The following APBB2 variants were observed in gnomAD, a reference collection of about 807,000 sequenced individuals.
APBB2 encodes amyloid beta precursor protein binding family B member 2, also known as Fe65-like 1.
Under a neutral mutation model 82.5 loss-of-function variants are expected in APBB2, and 38 were observed. That is an observed-to-expected ratio of 0.46 (90% CI 0.36 to 0.60). The LOEUF (loss-of-function observed/expected upper bound fraction) is 0.60, where lower values mean the gene tolerates loss of function less well. Among genes scored for constraint, APBB2 ranks in the 20% least tolerant of loss-of-function variants. The pLI, the probability that APBB2 is intolerant of heterozygous loss-of-function variation, is 0.00. For synonymous variants in APBB2, 341 were observed against 368.2 expected, an observed-to-expected ratio of 0.93 and a Z score of 0.85; for missense variants, 772 against 972.3, an observed-to-expected ratio of 0.79 and a Z score of 2.74.
At chr4:40,931,326 T>C (rs1014049858) in intron 10 of APBB2, among the ~76,000 whole-genome samples, 3 of 152,200 alleles carry the variant, frequency 2.0e-5, no homozygotes, top group African/African-American at 7.2e-5. Flanking sequence ...GGACTTCTCA[T>C]GGACAGCAGT....
At chr4:41,058,302 A>T (rs1728547651) in intron 4 of APBB2, among the ~76,000 whole-genome samples, 1 of 152,168 alleles carries the variant, frequency 6.6e-6, no homozygotes, top group African/African-American at 2.4e-5. Flanking sequence ...AAAAAAAAAA[A>T]AGCAAGAGCA....
rs540510417 is a variant in APBB2, at chr4:41,063,317, A to G, written c.-51+2259T>C. ...ATTTAAAATGTAACCATTTAAAAATATAAAAACCACCCTCAGCTCCTATAA... is the reference window on the plus strand; with the variant it reads ...ATTTAAAATGTAACCATTTAAAAATGTAAAAACCACCCTCAGCTCCTATAA... On this transcript the variant is annotated intron_variant, in intron 4 of 17. Transcript: ENST00000508593. 5.9e-5 allele frequency among the ~76,000 whole-genome samples: 9 copies of G among 152,372 alleles called. No individual in the cohort carries two copies. In the East Asian group the frequency reaches 1.2e-3, roughly 20 times the overall value.
At chr4:40,980,629 G>C (rs75193104) in intron 6 of APBB2, among the ~76,000 whole-genome samples, 2 of 152,174 alleles carry the variant, frequency 1.3e-5, no homozygotes, top group Non-Finnish European at 2.9e-5. Context: ...AAAAACAGTA[G>C]AAATTATAGC....
intron 1 of APBB2, among the ~76,000 whole-genome samples, chr4:41,172,489 T>C (rs1768580573): frequency 6.6e-6 from 1 of 152,212 alleles, no homozygotes; most frequent in Non-Finnish European, 1.5e-5. Context: ...TTACTCTTCA[T>C]AGAAACTACC....
intron 10 of APBB2, among the ~76,000 whole-genome samples, chr4:40,914,587 C>CAGAT (rs889581086): frequency 6.6e-6 from 1 of 152,044 alleles, no homozygotes; most frequent in African/African-American, 2.4e-5. Flanking sequence ...GACAGACAGA[C>CAGAT]AGATAGATAA....
chr4:40,934,477 G>A lies in APBB2; in HGVS notation c.1233C>T (p.Ile411=). 6.2e-7 allele frequency: 1 copy of A among 1,614,130 alleles called. No individual in the cohort carries two copies. Among genetic ancestry groups the A allele is most frequent in the Non-Finnish European group, 8.5e-7 (1 of 1,180,010 alleles). ...PHPDDDDSCS[I]NSDPEAKCFA... is the part of the protein sequence containing the mutation. ...AAACCTTGGCTTCTGGGTCACTGTT[G>A]ATACTACAAGAATCATCATCATCAG... Residue 411 remains isoleucine, a synonymous_variant, in exon 10 of 18, where the codon ATC becomes ATT. Coordinates refer to ENST00000508593, the MANE Select transcript of APBB2 (RefSeq NM_004307.2).
At chr4:41,086,390 AT>A (rs1433617976) in intron 3 of APBB2, among the ~76,000 whole-genome samples, 1 of 152,232 alleles carries the variant, frequency 6.6e-6, no homozygotes, top group African/African-American at 2.4e-5. Context: ...ATTATTTCTT[AT>A]GAAAATTGAT....
At chr4:40,955,436 T>C (rs1004090332) in intron 6 of APBB2, among the ~76,000 whole-genome samples, 1 of 152,228 alleles carries the variant, frequency 6.6e-6, no homozygotes, top group African/African-American at 2.4e-5. Context: ...GAAGCTATTA[T>C]GTGATGTGAT....
intron 12 of APBB2, among the ~76,000 whole-genome samples, chr4:40,846,948 A>C (rs988992058): frequency 9.2e-5 from 14 of 152,176 alleles, no homozygotes; most frequent in African/African-American, 2.7e-4. Flanking sequence ...TAAAAAAAAA[A>C]CAAAAAACCA....
chr4:40,929,549 G>C (rs11733818), intron 10 of APBB2, among the ~76,000 whole-genome samples: 77,448 of 151,998 alleles, frequency 0.51, 19,896 homozygotes, highest in South Asian at 0.61. Flanking sequence ...TCCACCCGCC[G>C]TGGCCTCCCA....
chr4:40,963,153 C>A (rs1232614238), intron 6 of APBB2, among the ~76,000 whole-genome samples: 1 of 152,150 alleles, frequency 6.6e-6, no homozygotes, highest in Non-Finnish European at 1.5e-5. Context: ...AGTTAGCGTC[C>A]ATTTGTTAAT....
At chr4:41,086,901 G>A (rs971552097) in intron 3 of APBB2, among the ~76,000 whole-genome samples, 4 of 141,500 alleles carry the variant, frequency 2.8e-5, no homozygotes, top group African/African-American at 1.1e-4. Flanking sequence ...AATCTCATGG[G>A]TAGAAAACCT....
intron 12 of APBB2, among the ~76,000 whole-genome samples, chr4:40,863,891 CA>C (rs60135616): frequency 0.1 from 3,355 of 32,764 alleles, 24 homozygotes; most frequent in African/African-American, 0.24. Flanking sequence ...GAGACTGTCT[CA>C]AAAAAAAAAA....
intron 6 of APBB2, among the ~76,000 whole-genome samples, chr4:41,009,543 G>A (rs543800211): frequency 2.0e-5 from 3 of 152,272 alleles, no homozygotes; most frequent in Admixed American, 6.5e-5. Flanking sequence ...GCATTTTATT[G>A]TATAAATAGC....
intron 12 of APBB2, among the ~76,000 whole-genome samples, chr4:40,857,958 G>A (rs1046050174): frequency 6.6e-6 from 1 of 152,164 alleles, no homozygotes; most frequent in Non-Finnish European, 1.5e-5. Context: ...GAGCTGGAAA[G>A]TGTTTACAGA....
chr4:40,981,692 C>T (rs1433782243), intron 6 of APBB2, among the ~76,000 whole-genome samples: 6 of 152,156 alleles, frequency 3.9e-5, no homozygotes, highest in African/African-American at 9.7e-5. Context: ...TGTGGTCTGC[C>T]CATACTCACT....
At chr4:40,823,791 C>T in intron 15 of APBB2, 32 bp from the exon 16 acceptor site, 1 of 1,467,392 alleles carries the variant, frequency 6.8e-7, no homozygotes, top group South Asian at 1.1e-5. Flanking sequence ...TTAAAGTGTC[C>T]TAAAGCCACT....
intron 6 of APBB2, among the ~76,000 whole-genome samples, chr4:40,946,254 A>AAAAAAAAAAAACAAAAAC (rs1553875174): frequency 8.7e-6 from 1 of 114,560 alleles, no homozygotes; most frequent in Non-Finnish European, 1.8e-5. Flanking sequence ...AAAAAAAAAA[A>AAAAAAAAAAAACAAAAAC]CATTCCCAAG....
intron 1 of APBB2, among the ~76,000 whole-genome samples, chr4:41,169,183 C>CAAAA (rs60032221): frequency 1.6e-4 from 10 of 60,712 alleles, no homozygotes; most frequent in Non-Finnish European, 3.0e-4. Context: ...CACTCCGTCT[C>CAAAA]AAAAAAAAAA....
Sources: gnomAD v4.1 joint callset for allele counts (sites outside exome capture counted in the v4.1 genomes callset) on GRCh38, gnomAD v4.1.1 for gene constraint, MANE v1.5 for transcripts, NCBI Gene and HGNC (gene_info 2026-07-23, HGNC 2026-07-21) for gene names.